Variants in CTBP2 observed in about 807,000 individuals in gnomAD.
CTBP2 encodes C-terminal binding protein 2, also known as C-terminal-binding protein 2.
In CTBP2, 30 loss-of-function variants were observed where a neutral mutation model predicts 80.3. That is an observed-to-expected ratio of 0.37 (90% CI 0.28 to 0.51). The LOEUF (loss-of-function observed/expected upper bound fraction) is 0.51, where lower values mean the gene tolerates loss of function less well. Ranked by LOEUF, CTBP2 falls within the 20% of genes least tolerant of loss-of-function variation. The pLI is 0.93. For synonymous variants in CTBP2, 594 were observed against 587.4 expected (o/e 1.01, Z -0.16); for missense variants, 1,212 against 1,375.3 (o/e 0.88, Z 1.88).
intron 1 of CTBP2, among the ~76,000 whole-genome samples, chr10:125,151,718 C>T (rs1168454603): frequency 3.3e-5 from 5 of 152,212 alleles, no homozygotes; most frequent in Non-Finnish European, 7.4e-5. Flanking sequence ...CTGCTCTGAG[C>T]CTCGAGTGCG....
chr10:125,140,790 T>C (rs747354066), intron 1 of CTBP2, among the ~76,000 whole-genome samples: 19 of 152,052 alleles, frequency 1.2e-4, no homozygotes, highest in Admixed American at 8.5e-4. Flanking sequence ...ACCACTGCAC[T>C]GCAGCATGGG....
At chr10:125,123,355 A>AT (rs1325848816) in intron 1 of CTBP2, among the ~76,000 whole-genome samples, 2 of 152,134 alleles carry the variant, frequency 1.3e-5, no homozygotes, top group African/African-American at 4.8e-5. Context: ...ATCCACGTCA[A>AT]TTTCTCCGCT....
intron 1 of CTBP2, among the ~76,000 whole-genome samples, chr10:125,130,594 C>G (rs538895529): frequency 1.3e-5 from 2 of 152,328 alleles, no homozygotes; most frequent in African/African-American, 4.8e-5. Context: ...TCAAGAGGCC[C>G]AAGAAGCTTT....
upstream of CTBP2, among the ~76,000 whole-genome samples, chr10:125,031,349 C>T (rs918265273): frequency 4.6e-5 from 7 of 151,684 alleles, no homozygotes; most frequent in African/African-American, 1.2e-4. Context: ...ATTAGCCGGG[C>T]GTGGTGGCGG....
chr10:125,012,544 C>CA (rs1956048330), intron 1 of CTBP2, among the ~76,000 whole-genome samples: 1 of 152,196 alleles, frequency 6.6e-6, no homozygotes, highest in Non-Finnish European at 1.5e-5. Flanking sequence ...CTCACTCCCC[C>CA]ACCTGCCTGT....
At chr10:125,117,903 C>T (rs1256122281) in intron 1 of CTBP2, among the ~76,000 whole-genome samples, 1 of 152,170 alleles carries the variant, frequency 6.6e-6, no homozygotes, top group Non-Finnish European at 1.5e-5. Context: ...CCCCTGATGC[C>T]CAAGAGTCTC....
chr10:124,998,406 C>T (rs796938984), intron 3 of CTBP2: 22 of 562,070 alleles, frequency 3.9e-5, no homozygotes, highest in African/African-American at 1.5e-4. Flanking sequence ...TGCTCCAGGA[C>T]GTGGCTCATG....
chr10:125,030,985 G>A (rs1229407313), upstream of CTBP2, among the ~76,000 whole-genome samples: 1 of 152,142 alleles, frequency 6.6e-6, no homozygotes, highest in Non-Finnish European at 1.5e-5. Flanking sequence ...ATCCCAGGAC[G>A]GAGCCACCAC....
intron 2 of CTBP2, among the ~76,000 whole-genome samples, chr10:125,095,188 C>T (rs1407536041): frequency 6.6e-6 from 1 of 152,162 alleles, no homozygotes; most frequent in African/African-American, 2.4e-5. Context: ...AAGTTTGACA[C>T]ACACCTAGCA....
chr10:124,997,157 G>C (rs967670972), intron 4 of CTBP2: 3 of 152,238 alleles, frequency 2.0e-5, no homozygotes, highest in African/African-American at 7.2e-5. Flanking sequence ...GTGCACATGC[G>C]CCTTCTTGGA....
At chr10:125,129,017 A>C (rs927428310) in intron 1 of CTBP2, among the ~76,000 whole-genome samples, 13 of 152,220 alleles carry the variant, frequency 8.5e-5, no homozygotes, top group African/African-American at 3.1e-4. Context: ...AAAATCTCAA[A>C]TACATCATGT....
At position 125,027,752 on chromosome 10, in the gene CTBP2, A is replaced by G. The variant is rs1564745628; in HGVS notation, c.8T>C (p.Val3Ala). ...ACCAATATTTATATGCCTGCTGGGAACTGGCATTGGAAAAAAAATGACTGC... is the reference window on the plus strand; with the variant it reads ...ACCAATATTTATATGCCTGCTGGGAGCTGGCATTGGAAAAAAAATGACTGC... Residue 3 changes from valine (V) to alanine (A), a missense_variant, in exon 1 of 9, where the codon GTT becomes GCT. Around this residue, in one of 3 missense-constraint regions of CTBP2, gnomAD observed 848 missense variants for 782.3 expected, o/e 1.08. Transcript: ENST00000309035. The G allele has an allele frequency of 6.3e-7, 1 of 1,579,542 alleles. No homozygotes were observed. Among genetic ancestry groups the G allele is most frequent in the Non-Finnish European group, 8.6e-7 (1 of 1,160,336 alleles).
intron 1 of CTBP2, among the ~76,000 whole-genome samples, chr10:125,016,075 C>T (rs189695966): frequency 6.6e-5 from 10 of 152,314 alleles, no homozygotes; most frequent in East Asian, 3.9e-4. Context: ...CCCGGGGTGA[C>T]GGGGAAGGGG....
chr10:125,052,820 G>T (rs1963086402), intron 2 of CTBP2, among the ~76,000 whole-genome samples: 1 of 152,194 alleles, frequency 6.6e-6, no homozygotes, highest in Non-Finnish European at 1.5e-5. Context: ...AGCGCCCACT[G>T]GATCTCAGGC....
chr10:125,026,594 G>GCAGGCTGGGGCTGCAGGGCCA lies in CTBP2; in HGVS notation c.1165_1166insTGGCCCTGCAGCCCCAGCCTG (p.Ala388_Ala389insValAlaLeuGlnProGlnPro). 1 of 1,563,700 alleles carries GCAGGCTGGGGCTGCAGGGCCA rather than the reference G, an allele frequency of 6.4e-7. No homozygotes were observed. The highest frequency in any genetic ancestry group is 8.7e-7 in the Non-Finnish European group (1 of 1,154,516). ...GGGGGATGCTGTCTGCAGAGGAGCC[G>GCAGGCTGGGGCTGCAGGGCCA]CAGCGCCCAGAGAAGCCAAGTCACC... On this transcript the variant is annotated inframe_insertion, in exon 1 of 9. Transcript: ENST00000309035.
chr10:124,994,317 C>T (rs1054392044), intron 5 of CTBP2, 152 bp downstream of exon 7: 47 of 799,972 alleles, frequency 5.9e-5, no homozygotes, highest in Admixed American at 5.1e-4. Flanking sequence ...AGGGGCTTCA[C>T]GTGGCTTGTC....
chr10:125,063,727 CG>C (rs1844193219), intron 2 of CTBP2, among the ~76,000 whole-genome samples: 2 of 152,166 alleles, frequency 1.3e-5, no homozygotes, highest in African/African-American at 4.8e-5. Flanking sequence ...GACAGCTTTA[CG>C]GGGAATGTAA....
At chr10:125,022,913 TG>T (rs1206990081) in intron 1 of CTBP2, among the ~76,000 whole-genome samples, 13 of 152,084 alleles carry the variant, frequency 8.5e-5, no homozygotes, top group Non-Finnish European at 4.4e-5. Flanking sequence ...GCAGCAGGGG[TG>T]TGGGCCGATG....
chr10:125,021,550 G>A (rs1472961885), intron 1 of CTBP2, among the ~76,000 whole-genome samples: 1 of 102,506 alleles, frequency 9.8e-6, no homozygotes, highest in Non-Finnish European at 2.0e-5. Flanking sequence ...AGTCTGGTAA[G>A]GGGGCACAAC....
Sources: gnomAD v4.1 joint callset for allele counts (sites outside exome capture counted in the v4.1 genomes callset) on GRCh38, gnomAD v4.1.1 for gene constraint, gnomAD v4.1.1 regional missense constraint, MANE v1.5 for transcripts, NCBI Gene and HGNC (gene_info 2026-07-23, HGNC 2026-07-21) for gene names.